RALGAPA1: variants seen among roughly 807,000 people sequenced by gnomAD.
RALGAPA1 encodes Ral GTPase activating protein catalytic subunit alpha 1.
In RALGAPA1, 52 loss-of-function variants were observed where a neutral mutation model predicts 269.6. The observed-to-expected ratio is 0.19, with a 90% CI of 0.15 to 0.24. The LOEUF (loss-of-function observed/expected upper bound fraction) is 0.24. Ranked by LOEUF, RALGAPA1 falls within the 10% of genes least tolerant of loss-of-function variation. RALGAPA1 has a pLI of 1.00. For missense variants in RALGAPA1, 1,917 were observed against 3,013.9 expected, an observed-to-expected ratio of 0.64 and a Z score of 8.52; for synonymous variants, 817 against 1,008.3, an observed-to-expected ratio of 0.81 and a Z score of 3.60.
intron 31 of RALGAPA1, among the ~76,000 whole-genome samples, chr14:35,643,629 A>G (rs559162049): frequency 4.6e-5 from 7 of 152,352 alleles, no homozygotes; most frequent in Non-Finnish European, 7.4e-5. Context: ...ATTTGGGACC[A>G]ACCTAAGTGT....
chr14:35,802,176 T>C (rs984113005), intron 1 of RALGAPA1, among the ~76,000 whole-genome samples: 1 of 152,064 alleles, frequency 6.6e-6, no homozygotes, highest in Non-Finnish European at 1.5e-5. Context: ...GGCTCAGTGG[T>C]GTGTGCCTGT....
At chr14:35,664,084 C>A (rs1281987582) in intron 27 of RALGAPA1, among the ~76,000 whole-genome samples, 1 of 152,074 alleles carries the variant, frequency 6.6e-6, no homozygotes, top group African/African-American at 2.4e-5. Flanking sequence ...CCTAACTGGA[C>A]ACAATTGTCT....
chr14:35,601,419 T>C (rs905758252), intron 36 of RALGAPA1, among the ~76,000 whole-genome samples: 5 of 152,208 alleles, frequency 3.3e-5, no homozygotes, highest in Non-Finnish European at 2.9e-5. Context: ...CTCATGAAGA[T>C]GGAAGTCTAG....
At chr14:35,616,643 T>C (rs151180733) in intron 35 of RALGAPA1, among the ~76,000 whole-genome samples, 51 of 152,308 alleles carry the variant, frequency 3.3e-4, no homozygotes, top group African/African-American at 1.1e-3. Flanking sequence ...GGAGAATATA[T>C]GGAAACTCTG....
At chr14:35,641,633 T>G (rs370485313) in intron 31 of RALGAPA1, among the ~76,000 whole-genome samples, 22 of 152,322 alleles carry the variant, frequency 1.4e-4, no homozygotes, top group Middle Eastern at 3.4e-3. Flanking sequence ...TGTTCATGTA[T>G]TGAAAGAATC....
intron 4 of RALGAPA1, among the ~76,000 whole-genome samples, chr14:35,767,771 TA>T (rs199565599): frequency 6.6e-5 from 10 of 152,032 alleles, no homozygotes; most frequent in African/African-American, 1.2e-4. Context: ...CTTTTTTAAT[TA>T]AAATTTTTTT....
chr14:35,552,534 A>G (rs1225349166), intron 39 of RALGAPA1, among the ~76,000 whole-genome samples: 1 of 152,204 alleles, frequency 6.6e-6, no homozygotes, highest in African/African-American at 2.4e-5. Flanking sequence ...CGAAATGGAT[A>G]AGATGATAAA....
chr14:35,783,187 G>A (rs1484999578), intron 1 of RALGAPA1, among the ~76,000 whole-genome samples: 1 of 151,958 alleles, frequency 6.6e-6, no homozygotes, highest in Non-Finnish European at 1.5e-5. Flanking sequence ...ACAGAGTGTA[G>A]TACCGGGATA....
At chr14:35,735,032 T>TA in intron 12 of RALGAPA1, among the ~76,000 whole-genome samples, 1 of 132,534 alleles carries the variant, frequency 7.5e-6, no homozygotes. Context: ...ATGGCCATAA[T>TA]AATAAAAAAA....
In RALGAPA1 at chr14:35,683,727, TA is replaced by T. The variant is rs1014619412; in HGVS notation, c.4471+81del. The stretch of plus-strand genomic sequence containing the variant: ...TACTTAAATAGTAATAAGTAATACT[TA>T]AAATCTCTCAAAATTTTAATCAAAT... On this transcript the variant is annotated intron_variant, in intron 21 of 41. Transcript: ENST00000680220. The T allele has an allele frequency of 5.5e-6, 6 of 1,098,760 alleles. No homozygotes were observed. In the Admixed American group the frequency reaches 1.3e-4, roughly 25 times the overall value. The allele number at this position is 1,098,760 out of a possible 1,614,324, so 68.1% of individuals were successfully genotyped here.
chr14:35,719,669 T>C (rs549114129), intron 16 of RALGAPA1, among the ~76,000 whole-genome samples: 3 of 152,226 alleles, frequency 2.0e-5, no homozygotes, highest in Admixed American at 6.5e-5. Flanking sequence ...ATTACTTCTA[T>C]AATCAGAAAA....
intron 14 of RALGAPA1, among the ~76,000 whole-genome samples, chr14:35,724,549 A>C (rs563900110): frequency 3.3e-4 from 50 of 152,312 alleles, no homozygotes; most frequent in Non-Finnish European, 5.6e-4. Context: ...AGGGAGGATA[A>C]TAAAGTCTTA....
At chr14:35,575,785 G>A (rs554169826) in intron 37 of RALGAPA1, among the ~76,000 whole-genome samples, 1 of 152,088 alleles carries the variant, frequency 6.6e-6, no homozygotes, top group Admixed American at 6.5e-5. Flanking sequence ...GTAGAGATGG[G>A]GTTTCACCAT....
chr14:35,779,303 GT>G (rs1376228425), intron 1 of RALGAPA1, among the ~76,000 whole-genome samples: 1 of 152,106 alleles, frequency 6.6e-6, no homozygotes, highest in South Asian at 2.1e-4. Flanking sequence ...AAGTGGGAGG[GT>G]TGTTTGAGGC....
chr14:35,768,066 C>T (rs779583584), intron 4 of RALGAPA1, among the ~76,000 whole-genome samples: 3 of 150,946 alleles, frequency 2.0e-5, no homozygotes, highest in South Asian at 4.2e-4. Flanking sequence ...TGAGCCACCA[C>T]ATCTGTCCTT....
Position 35,688,841 on chromosome 14 carries a change from A to G in RALGAPA1, c.3570T>C (p.Asn1190=), listed in dbSNP as rs1437163946. ...KLGGFSSGSS[N]SSTSNTHTST... is the part of the protein sequence containing the mutation. Reference sequence around the variant, plus strand: ...TGGTATGGGTGTTGCTAGTGCTGCTATTGCTGCTACCACTACTAAAGCCAC... The same window carrying G: ...TGGTATGGGTGTTGCTAGTGCTGCTGTTGCTGCTACCACTACTAAAGCCAC... Residue 1190 remains asparagine (N), a synonymous_variant, in exon 18 of 42, where the codon AAT becomes AAC. Transcript: ENST00000680220. 4.7e-5 allele frequency: 62 copies of G among 1,314,908 alleles called. No individual in the cohort carries two copies. Among genetic ancestry groups the G allele is most frequent in the Non-Finnish European group, 5.6e-5 (58 of 1,035,710 alleles). 81.5% of individuals were successfully genotyped at this position (1,314,908 alleles called of 1,614,324 possible). A position where few individuals can be genotyped will look rare whatever the true frequency, so the allele number is the denominator to read the frequency against.
At chr14:35,761,155 C>T in intron 5 of RALGAPA1, 149 bp from the exon 6 acceptor site, 1 of 540,816 alleles carries the variant, frequency 1.8e-6, no homozygotes, top group Non-Finnish European at 3.2e-6. Flanking sequence ...AGAAGAGAGA[C>T]AGCATCTATT....
chr14:35,785,124 A>G (rs1446312324), intron 1 of RALGAPA1, among the ~76,000 whole-genome samples: 3 of 152,158 alleles, frequency 2.0e-5, no homozygotes, highest in Non-Finnish European at 4.4e-5. Context: ...TTTCCCTAAC[A>G]CTCAAAGACA....
chr14:35,699,586 G>A (rs1376744861), intron 17 of RALGAPA1, among the ~76,000 whole-genome samples: 1 of 151,846 alleles, frequency 6.6e-6, no homozygotes, highest in Non-Finnish European at 1.5e-5. Flanking sequence ...TTCACAGAAT[G>A]GTTTAAAAAT....
Sources: gnomAD v4.1 joint callset for allele counts (sites outside exome capture counted in the v4.1 genomes callset) on GRCh38, gnomAD v4.1.1 for gene constraint, MANE v1.5 for transcripts, NCBI Gene and HGNC (gene_info 2026-07-23, HGNC 2026-07-21) for gene names.